ABCA13: variants seen among roughly 807,000 people sequenced by gnomAD.
ABCA13 encodes ATP binding cassette subfamily A member 13.
A neutral mutation model predicts 478.7 loss-of-function variants in ABCA13; 476 were observed. That is an observed-to-expected ratio of 0.99 (90% CI 0.92 to 1.07). ABCA13 has a LOEUF of 1.07. Ranked by LOEUF, ABCA13 falls within the 50% of genes least tolerant of loss-of-function variation. ABCA13 has a pLI of 0.00. For synonymous variants in ABCA13, 2,252 were observed against 2,158.9 expected, an observed-to-expected ratio of 1.04 and a Z score of -1.20; for missense variants, 6,060 against 5,910.6, an observed-to-expected ratio of 1.03 and a Z score of -0.83.
intron 43 of ABCA13, among the ~76,000 whole-genome samples, chr7:48,460,114 T>C (rs1308440346): frequency 6.6e-6 from 1 of 152,124 alleles, no homozygotes; most frequent in Non-Finnish European, 1.5e-5. Context: ...CAAGTCCTGG[T>C]TGCTACACCA....
intron 24 of ABCA13, 147 bp from the exon 25 acceptor site, chr7:48,312,920 C>T (rs893588788): frequency 1.9e-5 from 14 of 755,124 alleles, no homozygotes; most frequent in Non-Finnish European, 2.1e-5. Context: ...ATGAAGATAA[C>T]TTTCATATAG....
chr7:48,421,441 A>G (rs1820727726), intron 41 of ABCA13, among the ~76,000 whole-genome samples: 1 of 152,196 alleles, frequency 6.6e-6, no homozygotes, highest in Non-Finnish European at 1.5e-5. Context: ...ATAGCATTCT[A>G]TTCTACTCAA....
chr7:48,515,671 C>T (rs1028292885), intron 51 of ABCA13, among the ~76,000 whole-genome samples: 7 of 152,180 alleles, frequency 4.6e-5, no homozygotes, highest in African/African-American at 1.7e-4. Flanking sequence ...AGTTACAGTG[C>T]TGTCTCCTGG....
At chr7:48,539,094 G>A (rs1833791882) in intron 55 of ABCA13, among the ~76,000 whole-genome samples, 1 of 152,116 alleles carries the variant, frequency 6.6e-6, no homozygotes, top group Non-Finnish European at 1.5e-5. Context: ...GGCACATAAT[G>A]TCTGGGCCAG....
chr7:48,312,781 A>G (rs530632859), intron 24 of ABCA13, among the ~76,000 whole-genome samples: 2 of 152,368 alleles, frequency 1.3e-5, no homozygotes, highest in Non-Finnish European at 2.9e-5. Context: ...TGGTCACCTC[A>G]AAGATACAAA....
At chr7:48,297,581 G>A (rs992863467) in intron 22 of ABCA13, among the ~76,000 whole-genome samples, 1 of 152,152 alleles carries the variant, frequency 6.6e-6, no homozygotes. Context: ...TGATGTCTGT[G>A]TGTCTCTGTT....
In ABCA13 at chr7:48,483,179, TA is replaced by T; in HGVS notation, c.13182+17del. On this transcript the variant is annotated intron_variant, in intron 47 of 61. Transcript: ENST00000435803. ...TCTGGCAAAGGTAATCATATTTTTT[TA>T]TTTTTTTCCTGTTTTAGAAAGTATT... 6.3e-7 allele frequency: 1 copy of T among 1,598,258 alleles called. No individual in the cohort carries two copies.
intron 43 of ABCA13, among the ~76,000 whole-genome samples, chr7:48,462,443 T>TTC (rs1554523602): frequency 1.7e-3 from 246 of 148,384 alleles, no homozygotes; most frequent in South Asian, 4.5e-3. Context: ...AGTAAAGGAT[T>TTC]CCCCCCCCCC....
Position 48,618,271 on chromosome 7 carries a change from G to A in ABCA13, c.14837+2894G>A, listed in dbSNP as rs144999701. ...CCTTCCTGCTGTGCTCATTTGAGTT[G>A]CTTTCTTGGGTCTTAAGCAAAACCT... On this transcript the variant is annotated intron_variant, in intron 59 of 61. Transcript: ENST00000435803. Among the ~76,000 whole-genome samples the A allele has an allele frequency of 2.5e-4, 38 of 152,264 alleles. No homozygotes were observed. In the East Asian group the frequency reaches 7.3e-3, roughly 29 times the overall value.
rs761021154 is a variant in ABCA13, at chr7:48,272,705, T to C, written c.3039T>C (p.Phe1013=). ...NFQNISKAFA[F]LFKTAEVLGG... is the part of the protein sequence containing the mutation. ...AAAACATCAGTAAAGCATTTGCATT[T>C]TTATTTAAGACAGCAGAGGTTCTTG... Residue 1013 remains phenylalanine (F), a synonymous_variant, in exon 17 of 62, where the codon TTT becomes TTC. Transcript: ENST00000435803. 16 of 1,611,918 alleles carry C rather than the reference T, an allele frequency of 9.9e-6. 1 individual carries two copies. The South Asian group carries it at 1.7e-4, about 17-fold the overall frequency.
chr7:48,397,193 G>A (rs539759812), intron 38 of ABCA13, among the ~76,000 whole-genome samples: 19 of 152,164 alleles, frequency 1.2e-4, no homozygotes, highest in South Asian at 6.2e-4. Flanking sequence ...GTTTTGAATC[G>A]CAAAATTAGG....
intron 42 of ABCA13, among the ~76,000 whole-genome samples, chr7:48,429,002 T>A (rs1477561422): frequency 6.6e-6 from 1 of 152,346 alleles, no homozygotes; most frequent in Admixed American, 6.5e-5. Context: ...CTCTAATAGA[T>A]GTGCCTATTT....
At chr7:48,388,437 G>T (rs1815519376) in intron 36 of ABCA13, among the ~76,000 whole-genome samples, 2 of 152,220 alleles carry the variant, frequency 1.3e-5, no homozygotes, top group South Asian at 4.2e-4. Context: ...AGGAGATAGG[G>T]GCAGGACTGT....
intron 42 of ABCA13, among the ~76,000 whole-genome samples, chr7:48,448,054 G>C (rs887449766): frequency 2.6e-5 from 4 of 152,146 alleles, no homozygotes; most frequent in Non-Finnish European, 4.4e-5. Context: ...ACTTTTCCAA[G>C]AGGAGCTGTC....
chr7:48,395,617 C>CT (rs1816739327), intron 38 of ABCA13, among the ~76,000 whole-genome samples: 1 of 152,214 alleles, frequency 6.6e-6, no homozygotes, highest in African/African-American at 2.4e-5. Flanking sequence ...CTTCCTCCTC[C>CT]TCCTCCTCAG....
At position 48,295,821 on chromosome 7, in the gene ABCA13, C is replaced by T. The variant is rs769734030; in HGVS notation, c.9077C>T (p.Thr3026Ile). 2 of 1,613,648 alleles carry T rather than the reference C, an allele frequency of 1.2e-6. No homozygotes were observed. The highest frequency in any genetic ancestry group is 1.3e-5 in the African/African-American group (1 of 75,026). Reference sequence around the variant, plus strand: ...GAAAATGCCACTGGCCAGGACTGCACAAGCCAGCCGAGGCTGGAGACGGTG... The same window carrying T: ...GAAAATGCCACTGGCCAGGACTGCATAAGCCAGCCGAGGCTGGAGACGGTG... Reference protein sequence around the residue: ...SLENATGQDCTSQPRLETVQQ... With the variant: ...SLENATGQDCISQPRLETVQQ... The change falls in exon 21 of 62, where the codon ACA (threonine) becomes ATA (isoleucine). Residue 3026 changes from threonine to isoleucine, a missense_variant. By Grantham distance (89) the Thr-to-Ile change is moderately conservative. Coordinates refer to ENST00000435803, the MANE Select transcript of ABCA13 (RefSeq NM_152701.5).
In ABCA13 at chr7:48,246,031, G is replaced by T. The variant is rs771043470; in HGVS notation, c.1659+1G>T. Reference sequence around the variant, plus strand: ...GCTACTTGGTTCAGTAGAGGATGCTGTAAGTATTCTACCATCTTAGCTCTT... The same window carrying T: ...GCTACTTGGTTCAGTAGAGGATGCTTTAAGTATTCTACCATCTTAGCTCTT... On this transcript the variant is annotated splice_donor_variant, in intron 13 of 61. Coordinates refer to ENST00000435803, the MANE Select transcript of ABCA13 (RefSeq NM_152701.5). LOFTEE classifies it high-confidence loss of function. 5.6e-6 allele frequency: 9 copies of T among 1,611,926 alleles called. No homozygotes were observed. The highest frequency in any genetic ancestry group is 7.6e-6 in the Non-Finnish European group (9 of 1,178,798).
intron 41 of ABCA13, among the ~76,000 whole-genome samples, chr7:48,415,354 G>T (rs1585224481): frequency 6.6e-6 from 1 of 152,246 alleles, no homozygotes; most frequent in Non-Finnish European, 1.5e-5. Flanking sequence ...TGTCAAAAAA[G>T]CCCAGACTTC....
intron 29 of ABCA13, among the ~76,000 whole-genome samples, chr7:48,348,252 A>G (rs576062306): frequency 6.6e-6 from 1 of 152,292 alleles, no homozygotes; most frequent in East Asian, 1.9e-4. Context: ...TTTTCCAAGG[A>G]ACTCTGAGAT....
Sources: gnomAD v4.1 joint callset for allele counts (sites outside exome capture counted in the v4.1 genomes callset) on GRCh38, gnomAD v4.1.1 for gene constraint, MANE v1.5 for transcripts, NCBI Gene and HGNC (gene_info 2026-07-23, HGNC 2026-07-21) for gene names.